Variants in CNOT10 observed in about 807,000 individuals in gnomAD.
CNOT10 encodes the protein CCR4-NOT transcription complex subunit 10, also known as CCR4-NOT transcription complex, subunit 10.
A neutral mutation model predicts 94.6 loss-of-function variants in CNOT10; 30 were observed. The observed-to-expected ratio is 0.32, with a 90% confidence interval of 0.24 to 0.43. The LOEUF (loss-of-function observed/expected upper bound fraction) is 0.43. Ranked by LOEUF, CNOT10 falls within the 20% of genes least tolerant of loss-of-function variation. CNOT10 has a pLI of 1.00. For missense variants in CNOT10, 759 were observed against 877.2 expected, an observed-to-expected ratio of 0.87 and a Z score of 1.70; for synonymous variants, 289 against 301.6, an observed-to-expected ratio of 0.96 and a Z score of 0.43.
chr3:32,705,099 A>T, intron 3 of CNOT10, 127 bp downstream of exon 3: 1 of 680,038 alleles, frequency 1.5e-6, no homozygotes, highest in Non-Finnish European at 2.3e-6. Flanking sequence ...GTTAGCATTA[A>T]TTTTATTTCC....
chr3:32,718,963 A>T (rs1001945216), intron 7 of CNOT10, among the ~76,000 whole-genome samples: 8 of 152,104 alleles, frequency 5.3e-5, no homozygotes, highest in African/African-American at 1.7e-4. Context: ...AAAAATAAAA[A>T]AATTAGGTCG....
At chr3:32,728,945 C>A (rs1356703595) in intron 10 of CNOT10, among the ~76,000 whole-genome samples, 1 of 151,992 alleles carries the variant, frequency 6.6e-6, no homozygotes. Flanking sequence ...ACTAAAAATG[C>A]GAAAAATTAG....
intron 1 of CNOT10, 51 bp from the exon 2 acceptor site, chr3:32,703,817 C>A (rs372628642): frequency 2.4e-5 from 30 of 1,252,204 alleles, no homozygotes; most frequent in South Asian, 7.4e-5. Context: ...TAAGGAGGGA[C>A]CACTGTACAA....
intron 7 of CNOT10, 131 bp from the exon 8 acceptor site, chr3:32,719,983 T>C: frequency 2.2e-6 from 1 of 462,036 alleles, no homozygotes; most frequent in Admixed American, 3.6e-5. Context: ...ATTTAGAGAC[T>C]ATATAATTTT....
rs1167248770 is a variant in CNOT10 at position 32,757,110 on chromosome 3, G to GAA, written c.1596-2333_1596-2332dup. ...AACAGAGCAAGACTCCGTCTCAAAA[G>GAA]AAAAAAAAAAAAAAAAGATACTAAA... On this transcript the variant is annotated intron_variant, in intron 13 of 18. Coordinates refer to ENST00000328834, the MANE Select transcript of CNOT10 (RefSeq NM_015442.3). 2.4e-4 allele frequency among the ~76,000 whole-genome samples: 12 copies of GAA among 50,940 alleles called. No individual in the cohort carries two copies. In the South Asian group the frequency reaches 2.8e-3, roughly 12 times the overall value. 33.4% of individuals were successfully genotyped at this position (50,940 alleles called of 152,430 possible). A position where few individuals can be genotyped will look rare whatever the true frequency, so the allele number is the denominator to read the frequency against.
At chr3:32,712,499 G>A (rs1697938575) in intron 4 of CNOT10, among the ~76,000 whole-genome samples, 2 of 152,060 alleles carry the variant, frequency 1.3e-5, no homozygotes, top group Non-Finnish European at 2.9e-5. Flanking sequence ...CTACCCTGAG[G>A]TCCAAAATGC....
chr3:32,685,468 C>T lies in CNOT10; in HGVS notation c.8C>T (p.Ala3Val). The change falls in exon 1 of 19, where the codon GCA becomes GTA. Residue 3 changes from alanine (A) to valine (V), a missense_variant. Around this residue, in one of 3 missense-constraint regions of CNOT10, gnomAD observed 682 missense variants for 799.4 expected, o/e 0.85. Transcript: ENST00000328834. ...CCGAGTCGAAGCGGGAAGATGGCTG[C>T]AGACAAGCCTGCAGGTAGGGCGCCA... is the stretch of plus-strand genomic sequence containing the variant. Reference protein sequence around the residue: MAADKPADQGAEK... With the variant: MAVDKPADQGAEK... 6.5e-7 allele frequency: 1 copy of T among 1,550,324 alleles called. No individual in the cohort carries two copies. Among genetic ancestry groups the T allele is most frequent in the Non-Finnish European group, 8.7e-7 (1 of 1,146,760 alleles).
intron 7 of CNOT10, among the ~76,000 whole-genome samples, chr3:32,719,568 C>G (rs1430474018): frequency 6.6e-6 from 1 of 152,186 alleles, no homozygotes; most frequent in Non-Finnish European, 1.5e-5. Flanking sequence ...GAAAGGTGAT[C>G]TACCATTCAA....
intron 13 of CNOT10, among the ~76,000 whole-genome samples, chr3:32,754,333 T>C: frequency 6.8e-6 from 1 of 146,800 alleles, no homozygotes; most frequent in African/African-American, 2.5e-5. Flanking sequence ...AAAAATTAGC[T>C]GGGCATGGTG....
intron 10 of CNOT10, 124 bp downstream of exon 10, chr3:32,727,994 TA>T (rs1698761057): frequency 1.2e-5 from 7 of 590,300 alleles, no homozygotes; most frequent in Admixed American, 3.6e-5. Context: ...TTTATTTATT[TA>T]TTTATTTATT....
At chr3:32,739,025 T>C (rs1443049793) in intron 13 of CNOT10, among the ~76,000 whole-genome samples, 5 of 151,712 alleles carry the variant, frequency 3.3e-5, no homozygotes, top group African/African-American at 1.2e-4. Flanking sequence ...CTGCCTCAGC[T>C]TCCTAAGAAG....
Position 32,704,968 on chromosome 3 carries a change from A to G in CNOT10, c.275A>G (p.Asn92Ser). 4.6e-6 allele frequency: 7 copies of G among 1,524,434 alleles called. No homozygotes were observed. Among genetic ancestry groups the G allele is most frequent in the Non-Finnish European group, 6.1e-6 (7 of 1,146,320 alleles). The allele number at this position is 1,524,434 out of a possible 1,614,324, so 94.4% of individuals were successfully genotyped here. A position where few individuals can be genotyped will look rare whatever the true frequency, so the allele number is the denominator to read the frequency against. Reference protein sequence around the residue: ...NLRQTLNQLKNQVHSAVEEMD... With the variant: ...NLRQTLNQLKSQVHSAVEEMD... ...AGACAAACACTTAACCAGCTGAAGAATCAGGTGATACATAAATGAATTTAA... is the reference window on the plus strand; with the variant it reads ...AGACAAACACTTAACCAGCTGAAGAGTCAGGTGATACATAAATGAATTTAA... The change falls in exon 3 of 19, where the codon AAT (asparagine) becomes AGT (serine). Residue 92 changes from asparagine to serine, a missense_variant. By Grantham distance (46) the Asn-to-Ser change is conservative. Coordinates refer to ENST00000328834, the MANE Select transcript of CNOT10 (RefSeq NM_015442.3).
intron 3 of CNOT10, among the ~76,000 whole-genome samples, chr3:32,708,190 G>A (rs7427358): frequency 3.5e-4 from 54 of 152,208 alleles, no homozygotes; most frequent in African/African-American, 1.2e-3. Flanking sequence ...GAGCTGCCAC[G>A]CCCGGCCAGC....
chr3:32,690,461 T>C (rs1696801154), intron 1 of CNOT10, among the ~76,000 whole-genome samples: 2 of 152,180 alleles, frequency 1.3e-5, no homozygotes, highest in Non-Finnish European at 2.9e-5. Context: ...CATAGCTCAC[T>C]GCAGCCATGA....
chr3:32,757,510 G>A (rs189140280), intron 13 of CNOT10, among the ~76,000 whole-genome samples: 1 of 152,258 alleles, frequency 6.6e-6, no homozygotes, highest in East Asian at 1.9e-4. Flanking sequence ...CCGGAGACCG[G>A]ACCTTTAATA....
intron 11 of CNOT10, among the ~76,000 whole-genome samples, 162 bp from the exon 12 acceptor site, chr3:32,734,638 T>C (rs1043385855): frequency 6.6e-6 from 1 of 152,188 alleles, no homozygotes; most frequent in Non-Finnish European, 1.5e-5. Context: ...ATACTTAGGA[T>C]TTGGGTTCTT....
chr3:32,727,995 ATTTATTTATTTAT>A, intron 10 of CNOT10, 125 bp downstream of exon 10: 1 of 580,210 alleles, frequency 1.7e-6, no homozygotes. Context: ...TTATTTATTT[ATTTATTTATTTAT>A]TTTTTGAGAC....
chr3:32,689,768 A>G (rs367879952), intron 1 of CNOT10, among the ~76,000 whole-genome samples: 3 of 152,160 alleles, frequency 2.0e-5, no homozygotes, highest in East Asian at 1.9e-4. Context: ...AGCCTAGGCG[A>G]CATAGCCAGA....
At chr3:32,754,019 G>T (rs1267182030) in intron 13 of CNOT10, 3 of 511,786 alleles carry the variant, frequency 5.9e-6, no homozygotes, top group Non-Finnish European at 1.0e-5. Context: ...AGAATTGCTT[G>T]AACCCAGGAG....
Sources: allele counts gnomAD v4.1 joint callset (sites outside exome capture counted in the v4.1 genomes callset), GRCh38; gene constraint gnomAD v4.1.1; regional missense constraint gnomAD v4.1.1; transcripts MANE v1.5; gene names NCBI Gene and HGNC (gene_info 2026-07-23, HGNC 2026-07-21).